The following ADAMTS20 variants were observed in gnomAD, a reference collection of about 807,000 sequenced individuals.
ADAMTS20 encodes the protein ADAM metallopeptidase with thrombospondin type 1 motif 20.
A neutral mutation model predicts 260.1 loss-of-function variants in ADAMTS20; 225 were observed. The observed-to-expected ratio is 0.87, with a 90% CI of 0.78 to 0.97. The LOEUF (loss-of-function observed/expected upper bound fraction) is 0.97, where lower values mean the gene tolerates loss of function less well. ADAMTS20 is among the 50% of genes least tolerant of loss of function. ADAMTS20 has a pLI of 0.00. For missense variants in ADAMTS20, 2,400 were observed against 2,337.7 expected, an observed-to-expected ratio of 1.03 and a Z score of -0.55; for synonymous variants, 802 against 769.5, an observed-to-expected ratio of 1.04 and a Z score of -0.70.
chr12:43,400,219 C>A (rs965322963), intron 28 of ADAMTS20, among the ~76,000 whole-genome samples: 3 of 151,894 alleles, frequency 2.0e-5, no homozygotes, highest in African/African-American at 7.2e-5. Flanking sequence ...GAAAGCTAAG[C>A]AAAGAAGTCA....
intron 37 of ADAMTS20, among the ~76,000 whole-genome samples, chr12:43,361,093 T>C (rs1044007790): frequency 5.9e-5 from 9 of 152,264 alleles, no homozygotes; most frequent in Admixed American, 2.0e-4. Context: ...TCATCTCATA[T>C]TGCAATGTGG....
intron 29 of ADAMTS20, among the ~76,000 whole-genome samples, chr12:43,393,086 AG>A (rs1442556446): frequency 5.9e-5 from 9 of 152,168 alleles, no homozygotes; most frequent in African/African-American, 2.2e-4. Context: ...ACATTTCCAT[AG>A]CAGAACTCTT....
rs541332504 is a variant in ADAMTS20, at chr12:43,466,952, T to G, written c.1224-157A>C. Reference sequence around the variant, plus strand: ...ATCTATCCATAAGGCCTTAACAGTGTTCATGTTTAGAAGTACCTGATGACT... The same window carrying G: ...ATCTATCCATAAGGCCTTAACAGTGGTCATGTTTAGAAGTACCTGATGACT... On this transcript the variant is annotated intron_variant, in intron 8 of 38. Coordinates refer to ENST00000389420, the MANE Select transcript of ADAMTS20 (RefSeq NM_025003.5). 9.9e-5 allele frequency among the ~76,000 whole-genome samples: 15 copies of G among 152,154 alleles called. No homozygotes were observed. The East Asian group carries it at 1.7e-3, about 18-fold the overall frequency.
intron 11 of ADAMTS20, among the ~76,000 whole-genome samples, chr12:43,458,351 T>C (rs1942002630): frequency 6.6e-6 from 1 of 152,238 alleles, no homozygotes; most frequent in African/African-American, 2.4e-5. Flanking sequence ...GTTCCCAAGT[T>C]GAAGGGTCCC....
At chr12:43,510,337 C>T (rs1942905383) in intron 3 of ADAMTS20, among the ~76,000 whole-genome samples, 1 of 151,118 alleles carries the variant, frequency 6.6e-6, no homozygotes, top group South Asian at 2.1e-4. Context: ...TCTCGGTGCC[C>T]TTTAAATTAT....
intron 37 of ADAMTS20, among the ~76,000 whole-genome samples, chr12:43,358,921 G>T (rs1565663496): frequency 6.7e-6 from 1 of 148,210 alleles, no homozygotes; most frequent in Non-Finnish European, 1.5e-5. Context: ...TAGGATTTTA[G>T]AAGTAATAAA....
intron 27 of ADAMTS20, among the ~76,000 whole-genome samples, chr12:43,426,180 C>T (rs564858455): frequency 6.6e-6 from 1 of 152,154 alleles, no homozygotes; most frequent in East Asian, 1.9e-4. Flanking sequence ...AATAACAAAA[C>T]AGCTGTATAA....
At chr12:43,366,707 T>C (rs1939994485) in intron 37 of ADAMTS20, among the ~76,000 whole-genome samples, 1 of 151,562 alleles carries the variant, frequency 6.6e-6, no homozygotes, top group South Asian at 2.1e-4. Context: ...AAATAACCAA[T>C]ATACCAAAGA....
intron 28 of ADAMTS20, among the ~76,000 whole-genome samples, chr12:43,405,227 T>TAAAA (rs1565683116): frequency 0.015 from 177 of 11,544 alleles, 7 homozygotes; most frequent in African/African-American, 0.04. Flanking sequence ...ACCTCATCTC[T>TAAAA]ACAAAAAAAA....
chr12:43,452,743 G>A (rs1376033128), intron 12 of ADAMTS20, 48 bp from the exon 13 acceptor site: 1 of 1,461,570 alleles, frequency 6.8e-7, no homozygotes, highest in Non-Finnish European at 9.2e-7. Flanking sequence ...AACATTATTT[G>A]TGCCACTTAC....
At chr12:43,524,125 A>G (rs1205631424) in intron 3 of ADAMTS20, among the ~76,000 whole-genome samples, 1 of 151,826 alleles carries the variant, frequency 6.6e-6, no homozygotes, top group Non-Finnish European at 1.5e-5. Flanking sequence ...GACTGCAGCA[A>G]TCACAATATT....
chr12:43,484,058 T>C (rs78219501), intron 7 of ADAMTS20, among the ~76,000 whole-genome samples: 3,656 of 152,100 alleles, frequency 0.024, 69 homozygotes, highest in East Asian at 0.079. Flanking sequence ...TTTTCTATAA[T>C]CAAGGAACTC....
chr12:43,434,038 T>C (rs902623198), intron 19 of ADAMTS20, among the ~76,000 whole-genome samples: 4 of 152,220 alleles, frequency 2.6e-5, no homozygotes, highest in African/African-American at 9.7e-5. Context: ...GAGGCCTATA[T>C]ACTGGTATTC....
chr12:43,519,298 T>A (rs1379139686), intron 3 of ADAMTS20, among the ~76,000 whole-genome samples: 1 of 152,150 alleles, frequency 6.6e-6, no homozygotes, highest in East Asian at 1.9e-4. Flanking sequence ...TTCCACAACC[T>A]GGAGCCACCC....
intron 37 of ADAMTS20, among the ~76,000 whole-genome samples, chr12:43,359,328 G>A (rs1404219601): frequency 6.6e-6 from 1 of 152,204 alleles, no homozygotes; most frequent in Non-Finnish European, 1.5e-5. Context: ...ATAGATGCAA[G>A]TTTTAACGTT....
In ADAMTS20 at chr12:43,434,388, T is replaced by C. The variant is rs1326292450; in HGVS notation, c.2594-17A>G. The C allele has an allele frequency of 6.4e-7, 1 of 1,552,946 alleles. No individual in the cohort carries two copies. ...GCTGAAGACCTTGGCCAAAGTCAAA[T>C]GAAAATAAAAAATGAAAGAAAAATT... is the stretch of plus-strand genomic sequence containing the variant. On this transcript the variant is annotated splice_polypyrimidine_tract_variant and intron_variant, in intron 18 of 38. Transcript: ENST00000389420.
At chr12:43,382,827 T>TA (rs150098395) in intron 31 of ADAMTS20, among the ~76,000 whole-genome samples, 3 of 151,492 alleles carry the variant, frequency 2.0e-5, no homozygotes, top group South Asian at 2.1e-4. Flanking sequence ...ATGGCTTAGA[T>TA]AAAAAAACAG....
intron 7 of ADAMTS20, among the ~76,000 whole-genome samples, chr12:43,480,320 G>C (rs369606076): frequency 1.8e-4 from 28 of 152,214 alleles, no homozygotes; most frequent in African/African-American, 5.8e-4. Context: ...AGCAGTGTGT[G>C]GGGGGTAAAG....
chr12:43,443,751 A>G (rs370758598), intron 16 of ADAMTS20, 40 bp downstream of exon 16: 190 of 1,505,070 alleles, frequency 1.3e-4, no homozygotes, highest in Non-Finnish European at 1.6e-4. Context: ...GAAATTGCAC[A>G]TAAGCCACAT....
Sources: gnomAD v4.1 joint callset for allele counts (sites outside exome capture counted in the v4.1 genomes callset) on GRCh38, gnomAD v4.1.1 for gene constraint, MANE v1.5 for transcripts, NCBI Gene and HGNC (gene_info 2026-07-23, HGNC 2026-07-21) for gene names.